The following NEDD4L variants were observed in gnomAD, a reference collection of about 807,000 sequenced individuals.
NEDD4L encodes the protein NEDD4 like E3 ubiquitin protein ligase.
In NEDD4L, 54 loss-of-function variants were observed where a neutral mutation model predicts 148.9. The ratio of observed to expected loss-of-function variants is 0.36; its 90% CI spans 0.29 to 0.45. The LOEUF (loss-of-function observed/expected upper bound fraction) is 0.45. NEDD4L is among the 20% of genes least tolerant of loss of function. The pLI, the probability that NEDD4L is intolerant of heterozygous loss-of-function variation, is 1.00. For synonymous variants in NEDD4L, 433 were observed against 440.7 expected, an observed-to-expected ratio of 0.98 and a Z score of 0.22; for missense variants, 856 against 1,233.8, an observed-to-expected ratio of 0.69 and a Z score of 4.59.
At chr18:58,074,465 GGGTTTCAC>G (rs1399326903) in intron 1 of NEDD4L, among the ~76,000 whole-genome samples, 1 of 147,724 alleles carries the variant, frequency 6.8e-6, no homozygotes, top group Non-Finnish European at 1.5e-5. Context: ...AATAGAGTTG[GGGTTTCAC>G]CATGTGAGCC....
At chr18:58,182,430 A>G (rs2038962845) in intron 2 of NEDD4L, among the ~76,000 whole-genome samples, 1 of 151,686 alleles carries the variant, frequency 6.6e-6, no homozygotes, top group Middle Eastern at 3.2e-3. Context: ...TTTTCTTTGC[A>G]GTTGCAGACA....
intron 1 of NEDD4L, among the ~76,000 whole-genome samples, chr18:58,099,253 A>G (rs2084613421): frequency 6.6e-6 from 1 of 151,812 alleles, no homozygotes; most frequent in Non-Finnish European, 1.5e-5. Flanking sequence ...GTCGTAGCTC[A>G]CTGCAACCCT....
chr18:58,053,884 A>G (rs990562137), intron 1 of NEDD4L, among the ~76,000 whole-genome samples: 2 of 152,210 alleles, frequency 1.3e-5, no homozygotes, highest in African/African-American at 4.8e-5. Context: ...ATGCAAAGCC[A>G]ATCATTTCTT....
At chr18:58,325,884 T>C (rs529924797) in intron 9 of NEDD4L, among the ~76,000 whole-genome samples, 1 of 152,274 alleles carries the variant, frequency 6.6e-6, no homozygotes, top group East Asian at 1.9e-4. Flanking sequence ...AGTCTATTGA[T>C]AATACATCGA....
At chr18:58,368,358 G>C (rs1452458266) in intron 22 of NEDD4L, among the ~76,000 whole-genome samples, 1 of 152,122 alleles carries the variant, frequency 6.6e-6, no homozygotes, top group Non-Finnish European at 1.5e-5. Context: ...CTTATTTAAA[G>C]CATATAGATC....
intron 13 of NEDD4L, among the ~76,000 whole-genome samples, chr18:58,338,511 G>A (rs546911485): frequency 1.5e-4 from 23 of 152,364 alleles, no homozygotes; most frequent in African/African-American, 5.5e-4. Context: ...CAGGTTGCCA[G>A]TTCAGTTCTC....
intron 1 of NEDD4L, among the ~76,000 whole-genome samples, chr18:58,101,801 A>G (rs562529594): frequency 7.9e-4 from 120 of 152,302 alleles, no homozygotes; most frequent in Middle Eastern, 3.4e-3. Flanking sequence ...ACTGTAAACC[A>G]AGAGAGAGAA....
At chr18:58,271,572 G>A (rs2051047182) in intron 5 of NEDD4L, among the ~76,000 whole-genome samples, 1 of 152,162 alleles carries the variant, frequency 6.6e-6, no homozygotes. Context: ...AGCTAGAAAA[G>A]AAATTAAGGA....
chr18:58,299,274 G>A (rs2056130219), intron 5 of NEDD4L, among the ~76,000 whole-genome samples: 1 of 152,230 alleles, frequency 6.6e-6, no homozygotes, highest in African/African-American at 2.4e-5. Context: ...TTATCCAAGT[G>A]TCACCTCCTG....
intron 1 of NEDD4L, chr18:58,045,872 C>G (rs1450004811): frequency 2.0e-5 from 3 of 152,272 alleles, no homozygotes; most frequent in African/African-American, 7.2e-5. Flanking sequence ...CTTCCCCTCC[C>G]TCCTTTCTTT....
chr18:58,294,017 C>T (rs920020623), intron 5 of NEDD4L, among the ~76,000 whole-genome samples: 3 of 152,218 alleles, frequency 2.0e-5, no homozygotes, highest in South Asian at 4.1e-4. Flanking sequence ...ACCACCATGT[C>T]CAACCAGGAA....
At chr18:58,177,395 A>G (rs1156818277) in intron 2 of NEDD4L, among the ~76,000 whole-genome samples, 1 of 152,226 alleles carries the variant, frequency 6.6e-6, no homozygotes, top group Non-Finnish European at 1.5e-5. Context: ...TTTAACAAAA[A>G]TTGAACTACC....
chr18:58,345,731 CT>C (rs933934722), intron 16 of NEDD4L, among the ~76,000 whole-genome samples: 32 of 151,876 alleles, frequency 2.1e-4, no homozygotes, highest in Admixed American at 2.0e-3. Context: ...GCCTCATTCT[CT>C]TTTTTTTAAT....
intron 19 of NEDD4L, among the ~76,000 whole-genome samples, chr18:58,361,955 G>A (rs1000406615): frequency 6.6e-6 from 1 of 152,048 alleles, no homozygotes; most frequent in Non-Finnish European, 1.5e-5. Flanking sequence ...CTGGTACGTT[G>A]TTGGAAAGTT....
chr18:58,338,515 A>G (rs1474529838), intron 13 of NEDD4L, among the ~76,000 whole-genome samples: 1 of 152,374 alleles, frequency 6.6e-6, no homozygotes, highest in South Asian at 2.1e-4. Context: ...TTGCCAGTTC[A>G]GTTCTCAATA....
intron 16 of NEDD4L, 88 bp downstream of exon 16, chr18:58,343,191 G>A (rs1437666690): frequency 1.6e-6 from 2 of 1,244,028 alleles, no homozygotes; most frequent in East Asian, 2.8e-5. Flanking sequence ...AGTTCTTGCA[G>A]AGGAATTGGA....
intron 1 of NEDD4L, among the ~76,000 whole-genome samples, chr18:58,151,803 G>T (rs1053058729): frequency 6.6e-6 from 1 of 152,102 alleles, no homozygotes. Context: ...AGGTGGGGTG[G>T]TGTGAGCAAT....
At chr18:58,155,486 A>G (rs922384205) in intron 1 of NEDD4L, among the ~76,000 whole-genome samples, 7 of 152,174 alleles carry the variant, frequency 4.6e-5, no homozygotes, top group Non-Finnish European at 4.4e-5. Context: ...TTAGTCGTTT[A>G]TCTTGCTAGT....
chr18:58,153,192 AT>A (rs952642593), intron 1 of NEDD4L, among the ~76,000 whole-genome samples: 3 of 149,548 alleles, frequency 2.0e-5, no homozygotes, highest in East Asian at 2.0e-4. Context: ...CTTGATGATA[AT>A]TTTTTTTTAA....
Sources: allele counts gnomAD v4.1 joint callset (sites outside exome capture counted in the v4.1 genomes callset), GRCh38; gene constraint gnomAD v4.1.1; transcripts MANE v1.5; gene names NCBI Gene and HGNC (gene_info 2026-07-23, HGNC 2026-07-21).